AKAP19: variants seen among roughly 807,000 people sequenced by gnomAD.
AKAP19 encodes A-kinase anchoring protein 19, also known as small A-kinase anchoring protein.
the AKAP19 span, among the ~76,000 whole-genome samples, chr2:190,038,515 A>G: frequency 2.0e-5 from 3 of 152,334 alleles, no homozygotes; most frequent in Admixed American, 2.0e-4. Context: ...CACTAGAATC[A>G]GGGCACCATC....
chr2:190,049,467 GATTAAA>G, the AKAP19 span, among the ~76,000 whole-genome samples: 3 of 152,114 alleles, frequency 2.0e-5, no homozygotes, highest in Non-Finnish European at 2.9e-5. Context: ...AAATTGTATT[GATTAAA>G]ATTAAATATA....
the AKAP19 span, among the ~76,000 whole-genome samples, chr2:190,073,340 T>C: frequency 0.024 from 3,591 of 152,260 alleles, 111 homozygotes; most frequent in African/African-American, 0.068. Flanking sequence ...TGTAGAACAG[T>C]ATTTTTCAAA....
chr2:190,160,390 G>C, the AKAP19 span, among the ~76,000 whole-genome samples: 2 of 152,010 alleles, frequency 1.3e-5, no homozygotes, highest in African/African-American at 4.8e-5. Context: ...TCTCTTTCGT[G>C]ATCCCTACTT....
the AKAP19 span, chr2:190,055,653 A>T: frequency 6.6e-6 from 1 of 152,298 alleles, no homozygotes; most frequent in East Asian, 1.9e-4. Context: ...TTTATAATAA[A>T]GTGAAAATCA....
At chr2:189,938,123 C>T in the AKAP19 span, among the ~76,000 whole-genome samples, 1 of 151,952 alleles carries the variant, frequency 6.6e-6, no homozygotes, top group African/African-American at 2.4e-5. Flanking sequence ...ATTGCCTGAG[C>T]TAAGGAGTTC....
the AKAP19 span, among the ~76,000 whole-genome samples, chr2:190,153,977 A>T: frequency 6.6e-6 from 1 of 152,196 alleles, no homozygotes; most frequent in African/African-American, 2.4e-5. Flanking sequence ...GTGAGACGAG[A>T]TGGGTACATT....
chr2:190,142,114 T>TCATATTG, the AKAP19 span, among the ~76,000 whole-genome samples: 7 of 152,264 alleles, frequency 4.6e-5, no homozygotes, highest in Non-Finnish European at 7.4e-5. Flanking sequence ...CTCCAGTCGG[T>TCATATTG]CATATTGGTT....
chr2:190,125,364 G>A, the AKAP19 span, among the ~76,000 whole-genome samples: 7 of 152,232 alleles, frequency 4.6e-5, no homozygotes, highest in South Asian at 1.5e-3. Context: ...AATTGGTTCT[G>A]TCTCAGTGGA....
the AKAP19 span, among the ~76,000 whole-genome samples, chr2:189,984,104 A>G: frequency 3.9e-5 from 6 of 152,190 alleles, no homozygotes; most frequent in African/African-American, 1.4e-4. Flanking sequence ...ATTGCTAATG[A>G]AGTTTCAGGT....
the AKAP19 span, among the ~76,000 whole-genome samples, chr2:189,951,058 G>T: frequency 7.2e-5 from 11 of 152,038 alleles, no homozygotes; most frequent in African/African-American, 2.7e-4. Context: ...AAGTTTTGGG[G>T]TTGGGTTTGG....
the AKAP19 span, among the ~76,000 whole-genome samples, chr2:189,925,672 C>G: frequency 6.6e-6 from 1 of 151,938 alleles, no homozygotes; most frequent in South Asian, 2.1e-4. Flanking sequence ...TTTTCCGAAG[C>G]CAGGAATGTG....
the AKAP19 span, among the ~76,000 whole-genome samples, chr2:189,927,934 T>C: frequency 6.6e-6 from 1 of 152,188 alleles, no homozygotes. Context: ...GTATTTGTAA[T>C]GCTCTAGACA....
At chr2:190,136,869 TA>T in the AKAP19 span, among the ~76,000 whole-genome samples, 14 of 152,240 alleles carry the variant, frequency 9.2e-5, no homozygotes, top group Non-Finnish European at 2.1e-4. Context: ...GGAGAATATG[TA>T]CTGCAGGAAG....
the AKAP19 span, among the ~76,000 whole-genome samples, chr2:190,192,190 A>G: frequency 2.6e-5 from 4 of 152,064 alleles, no homozygotes; most frequent in Non-Finnish European, 4.4e-5. Flanking sequence ...AATTGTTCCA[A>G]TCCCATTTGT....
At chr2:190,113,389 CAT>C in the AKAP19 span, among the ~76,000 whole-genome samples, 5 of 152,156 alleles carry the variant, frequency 3.3e-5, no homozygotes, top group Non-Finnish European at 2.9e-5. Context: ...CAAAGTTTAA[CAT>C]AGTACTGCAT....
chr2:190,152,903 T>G, the AKAP19 span, among the ~76,000 whole-genome samples: 4 of 151,700 alleles, frequency 2.6e-5, no homozygotes, highest in Non-Finnish European at 4.4e-5. Context: ...TTCTTTCTTT[T>G]TTTTTTTTTT....
At chr2:190,169,813 A>G in the AKAP19 span, among the ~76,000 whole-genome samples, 6 of 152,200 alleles carry the variant, frequency 3.9e-5, no homozygotes, top group African/African-American at 1.4e-4. Context: ...AGTAGAACAA[A>G]TGGCTTTAAG....
chr2:190,135,168 A>AT, the AKAP19 span, among the ~76,000 whole-genome samples: 8 of 152,204 alleles, frequency 5.3e-5, no homozygotes, highest in South Asian at 6.3e-4. Context: ...AATGAGGTAG[A>AT]TTTTTTTCCC....
At chr2:189,957,274 T>A in the AKAP19 span, among the ~76,000 whole-genome samples, 2 of 152,226 alleles carry the variant, frequency 1.3e-5, no homozygotes, top group African/African-American at 4.8e-5. Context: ...ATCTATTTTC[T>A]CTGACTCTTA....
Sources: allele counts gnomAD v4.1 joint callset (sites outside exome capture counted in the v4.1 genomes callset), GRCh38; gene constraint gnomAD v4.1.1; transcripts MANE v1.5; gene names NCBI Gene and HGNC (gene_info 2026-07-23, HGNC 2026-07-21).